The following FYB2 variants were observed in gnomAD, a reference collection of about 807,000 sequenced individuals.
The protein encoded by FYB2 is FYN binding protein 2.
In FYB2, 103 loss-of-function variants were observed where a neutral mutation model predicts 94.1. The observed-to-expected ratio is 1.09, with a 90% confidence interval of 0.93 to 1.29. The LOEUF is 1.29. Among genes scored for constraint, FYB2 ranks in the 50% most tolerant of loss-of-function variants. FYB2 has a pLI of 0.00. For missense variants in FYB2, 896 were observed against 841.5 expected (o/e 1.06, Z -0.80); for synonymous variants, 293 against 287.9 (o/e 1.02, Z -0.18).
At chr1:56,749,246 A>T (rs1442737930) in intron 9 of FYB2, among the ~76,000 whole-genome samples, 2 of 151,856 alleles carry the variant, frequency 1.3e-5, no homozygotes, top group Non-Finnish European at 2.9e-5. Flanking sequence ...GAAAATTCTC[A>T]GATAGTATTT....
At chr1:56,786,970 A>G (rs191731789) in intron 4 of FYB2, among the ~76,000 whole-genome samples, 2 of 152,316 alleles carry the variant, frequency 1.3e-5, no homozygotes, top group Admixed American at 1.3e-4. Context: ...TATCTTTGCA[A>G]CTTAACATCA....
intron 4 of FYB2, among the ~76,000 whole-genome samples, chr1:56,777,239 C>CAAAAAAAAA (rs1453236717): frequency 0.068 from 329 of 4,830 alleles, 64 homozygotes; most frequent in African/African-American, 0.074. Flanking sequence ...GTCTCAAAAA[C>CAAAAAAAAA]AAAAAAAAAA....
chr1:56,733,056 T>C (rs947290803), intron 15 of FYB2, among the ~76,000 whole-genome samples: 12 of 151,878 alleles, frequency 7.9e-5, no homozygotes, highest in African/African-American at 2.7e-4. Context: ...ACTTACAGAA[T>C]GGAGAAAAAT....
intron 1 of FYB2, among the ~76,000 whole-genome samples, chr1:56,800,874 C>T (rs1462219435): frequency 6.6e-6 from 1 of 152,182 alleles, no homozygotes; most frequent in African/African-American, 2.4e-5. Context: ...ATACCCCATG[C>T]ATTACCACTA....
At chr1:56,797,184 G>A (rs1354188023) in intron 1 of FYB2, among the ~76,000 whole-genome samples, 2 of 152,028 alleles carry the variant, frequency 1.3e-5, no homozygotes, top group Non-Finnish European at 2.9e-5. Flanking sequence ...GCACAATCTT[G>A]GAAACAGCAT....
intron 9 of FYB2, among the ~76,000 whole-genome samples, chr1:56,747,372 G>T (rs1487066515): frequency 6.6e-6 from 1 of 151,676 alleles, no homozygotes; most frequent in Non-Finnish European, 1.5e-5. Context: ...AGCCCCGCAT[G>T]CACTAAGTAT....
chr1:56,813,015 T>C (rs774818332), intron 1 of FYB2, among the ~76,000 whole-genome samples: 10 of 152,198 alleles, frequency 6.6e-5, no homozygotes, highest in Non-Finnish European at 7.3e-5. Flanking sequence ...CTGAGGGTTG[T>C]TGGGGAAGGA....
intron 3 of FYB2, 97 bp downstream of exon 3, chr1:56,788,876 C>T (rs1221459327): frequency 6.7e-7 from 1 of 1,499,626 alleles, no homozygotes; most frequent in Non-Finnish European, 9.3e-7. Context: ...TGTCCAGCCT[C>T]ATGGAAAAGC....
intron 8 of FYB2, among the ~76,000 whole-genome samples, chr1:56,752,457 A>G (rs1342884139): frequency 6.6e-6 from 1 of 152,084 alleles, no homozygotes; most frequent in Non-Finnish European, 1.5e-5. Context: ...GTACTTGGGA[A>G]AAGCTAATGT....
At position 56,792,814 on chromosome 1, in the gene FYB2, G is replaced by C; in HGVS notation, c.10-11C>G. 6.3e-7 allele frequency: 1 copy of C among 1,582,722 alleles called. No individual in the cohort carries two copies. The highest frequency in any genetic ancestry group is 8.6e-7 in the Non-Finnish European group (1 of 1,166,576). Reference sequence around the variant, plus strand: ...GTTTCTTACCCCTTCCTAAGGCAAAGAATAATCAAACAAACAAACAAAAAC... The same window carrying C: ...GTTTCTTACCCCTTCCTAAGGCAAACAATAATCAAACAAACAAACAAAAAC... On this transcript the variant is annotated splice_polypyrimidine_tract_variant and intron_variant, in intron 1 of 19. Transcript: ENST00000343433.
At chr1:56,787,259 T>G (rs1646153553) in intron 3 of FYB2, 51 bp from the exon 4 acceptor site, 1 of 1,601,542 alleles carries the variant, frequency 6.2e-7, no homozygotes, top group Non-Finnish European at 8.6e-7. Context: ...GCAGCCTGGT[T>G]AAAGTGAATG....
chr1:56,789,232 A>G (rs1300418452), intron 2 of FYB2, 98 bp from the exon 3 acceptor site: 81 of 1,344,216 alleles, frequency 6.0e-5, no homozygotes, highest in Non-Finnish European at 7.9e-5. Context: ...GTCCCGTCCA[A>G]TCTATTCTCC....
chr1:56,792,323 T>A lies in FYB2; in HGVS notation c.490A>T (p.Ser164Cys), dbSNP rs1254048076. 6 of 1,614,158 alleles carry A rather than the reference T, an allele frequency of 3.7e-6. No individual in the cohort carries two copies. Among genetic ancestry groups the A allele is most frequent in the Non-Finnish European group, 8.5e-7 (1 of 1,180,012 alleles). Residue 164 changes from serine (S) to cysteine (C), a missense_variant, in exon 2 of 20, where the codon AGT becomes TGT. Ser to Cys is a moderately radical substitution (Grantham distance 112, BLOSUM62 -1). Coordinates refer to ENST00000343433, the MANE Select transcript of FYB2 (RefSeq NM_001004303.5). Reference protein sequence around the residue: ...SSALLLANYGSKAIHLEGQKG... With the variant: ...SSALLLANYGCKAIHLEGQKG... ...TGCCCTTCCAGATGGATGGCCTTAC[T>A]TCCATAGTTGGCAAGGAGAAGGGCT...
chr1:56,808,978 C>T (rs1646705172), intron 1 of FYB2, among the ~76,000 whole-genome samples: 1 of 152,186 alleles, frequency 6.6e-6, no homozygotes, highest in African/African-American at 2.4e-5. Flanking sequence ...AGTTGTGCAT[C>T]TATTATGTTG....
intron 5 of FYB2, among the ~76,000 whole-genome samples, chr1:56,760,209 C>A (rs1290680379): frequency 6.6e-6 from 1 of 152,066 alleles, no homozygotes; most frequent in Non-Finnish European, 1.5e-5. Context: ...AAAGTTTTAT[C>A]CCTACTGTTA....
chr1:56,801,644 C>T (rs969911892), intron 1 of FYB2, among the ~76,000 whole-genome samples: 9 of 152,156 alleles, frequency 5.9e-5, no homozygotes, highest in Admixed American at 3.3e-4. Context: ...TCCTGGACAC[C>T]CCCTTTCATC....
At chr1:56,819,032 G>A (rs1299712444) in intron 1 of FYB2, among the ~76,000 whole-genome samples, 3 of 152,216 alleles carry the variant, frequency 2.0e-5, no homozygotes, top group South Asian at 2.1e-4. Context: ...GCCACATGCT[G>A]TCATTCCTCA....
chr1:56,744,282 A>C lies in FYB2; in HGVS notation c.1388-16T>G. ...AGATGCCCACCTGAAAGGAAACCAG[A>C]AAACCTGAAAAACATCACATCAGCT... On this transcript the variant is annotated splice_polypyrimidine_tract_variant and intron_variant, in intron 9 of 19. Coordinates refer to ENST00000343433, the MANE Select transcript of FYB2 (RefSeq NM_001004303.5). 1 of 1,563,232 alleles carries C rather than the reference A, an allele frequency of 6.4e-7. No individual in the cohort carries two copies. The highest frequency in any genetic ancestry group is 8.8e-7 in the Non-Finnish European group (1 of 1,138,536).
rs767351773 is a variant in FYB2, at chr1:56,792,618, G to C, written c.195C>G (p.Tyr65Ter). 1.1e-5 allele frequency: 18 copies of C among 1,614,162 alleles called. 1 individual carries two copies. The South Asian group carries it at 2.0e-4, about 18-fold the overall frequency. The change falls in exon 2 of 20, where the codon TAC (tyrosine) becomes TAG (stop). Residue 65 changes from tyrosine (Y) to a stop codon, truncating the protein, a stop_gained. Coordinates refer to ENST00000343433, the MANE Select transcript of FYB2 (RefSeq NM_001004303.5). LOFTEE classifies it high-confidence loss of function. ...GAGGCTGGGACTCACTACTGGAACA[G>C]TATGGTGTGCGCTGCTTGTGGTTGG... ...LSSNHKQRTPYCSSSESQPLQ... is the reference protein window; with the variant it reads ...LSSNHKQRTP
Sources: gnomAD v4.1 joint callset for allele counts (sites outside exome capture counted in the v4.1 genomes callset) on GRCh38, gnomAD v4.1.1 for gene constraint, MANE v1.5 for transcripts, NCBI Gene and HGNC (gene_info 2026-07-23, HGNC 2026-07-21) for gene names.